GRIP1: variants seen among roughly 807,000 people sequenced by gnomAD.
The protein encoded by GRIP1 is glutamate receptor interacting protein 1, also known as glutamate receptor-interacting protein 1.
A neutral mutation model predicts 129.9 loss-of-function variants in GRIP1; 45 were observed. The observed-to-expected ratio is 0.35, with a 90% CI of 0.27 to 0.44. The LOEUF is 0.44. Ranked by LOEUF, GRIP1 falls within the 20% of genes least tolerant of loss-of-function variation. The pLI is 1.00. For synonymous variants in GRIP1, 530 were observed against 520.8 expected (o/e 1.02, Z -0.24); for missense variants, 1,196 against 1,396.8 (o/e 0.86, Z 2.29).
At chr12:67,065,930 A>G (rs1383496552) in intron 1 of GRIP1, among the ~76,000 whole-genome samples, 2 of 152,214 alleles carry the variant, frequency 1.3e-5, no homozygotes, top group Non-Finnish European at 2.9e-5. Flanking sequence ...CTTCTCCTAA[A>G]ACATTTACCC....
At position 66,371,999 on chromosome 12, in the gene GRIP1, C is replaced by T. The variant is rs1409727267; in HGVS notation, c.2779-72G>A. On this transcript the variant is annotated intron_variant, in intron 22 of 24. Transcript: ENST00000359742. ...AAAGGATTTGGTGCTCAACAGTAAG[C>T]ACATTTCTCCTTCTGCGAGGTAAAA... is the stretch of plus-strand genomic sequence containing the variant. The T allele has an allele frequency of 2.7e-5, 26 of 963,466 alleles. No individual in the cohort carries two copies. The East Asian group carries it at 6.0e-4, about 22-fold the overall frequency. 59.7% of individuals were successfully genotyped at this position (963,466 alleles called of 1,614,324 possible).
At chr12:66,411,218 C>T (rs2057389784) in intron 15 of GRIP1, among the ~76,000 whole-genome samples, 1 of 152,090 alleles carries the variant, frequency 6.6e-6, no homozygotes, top group African/African-American at 2.4e-5. Context: ...CAACAGGGGT[C>T]TCCAGGTCTC....
chr12:66,515,914 T>C, intron 6 of GRIP1, 150 bp from the exon 7 acceptor site: 1 of 698,944 alleles, frequency 1.4e-6, no homozygotes, highest in Non-Finnish European at 2.6e-6. Flanking sequence ...ACAGTAAGAG[T>C]ATAAAGAAGT....
chr12:66,956,839 T>C (rs927958228), intron 1 of GRIP1, among the ~76,000 whole-genome samples: 3 of 152,186 alleles, frequency 2.0e-5, no homozygotes, highest in Non-Finnish European at 2.9e-5. Flanking sequence ...AATATGTGCA[T>C]ATATATTAGC....
chr12:66,951,335 G>A (rs557088708), intron 1 of GRIP1, among the ~76,000 whole-genome samples: 18 of 152,300 alleles, frequency 1.2e-4, no homozygotes, highest in Middle Eastern at 3.4e-3. Flanking sequence ...GCGGAGTGAA[G>A]TATGGGCTGG....
At chr12:66,406,748 C>T (rs2137665030) in intron 15 of GRIP1, among the ~76,000 whole-genome samples, 1 of 152,238 alleles carries the variant, frequency 6.6e-6, no homozygotes, top group Non-Finnish European at 1.5e-5. Flanking sequence ...ACCCAGGTAT[C>T]CTTGTCTTTC....
At chr12:66,735,179 C>G (rs534163614) in intron 1 of GRIP1, among the ~76,000 whole-genome samples, 160 of 152,070 alleles carry the variant, frequency 1.1e-3, no homozygotes, top group Non-Finnish European at 1.6e-3. Flanking sequence ...TTTATAGGAG[C>G]GTGATTGTTC....
intron 1 of GRIP1, among the ~76,000 whole-genome samples, chr12:66,802,460 T>TTGTCCAAAC (rs1195533299): frequency 1.3e-5 from 2 of 152,212 alleles, no homozygotes; most frequent in Non-Finnish European, 2.9e-5. Context: ...CATTATATAA[T>TTGTCCAAAC]TGTCCTAACT....
chr12:66,973,378 CTTTT>C (rs55729292), intron 1 of GRIP1, among the ~76,000 whole-genome samples: 36,577 of 129,292 alleles, frequency 0.28, 4,912 homozygotes, highest in Non-Finnish European at 0.37. Context: ...CTTTTTCATT[CTTTT>C]TTTTTTTTTT....
chr12:66,766,310 G>A (rs1197854164), intron 1 of GRIP1, among the ~76,000 whole-genome samples: 1 of 152,146 alleles, frequency 6.6e-6, no homozygotes, highest in African/African-American at 2.4e-5. Context: ...GGGCTCCCCT[G>A]GCCTTGCTAT....
At chr12:67,044,320 A>G (rs2043222335) in intron 1 of GRIP1, among the ~76,000 whole-genome samples, 1 of 152,234 alleles carries the variant, frequency 6.6e-6, no homozygotes, top group Admixed American at 6.5e-5. Flanking sequence ...TCCCAACTTG[A>G]GAGAACTAGG....
intron 1 of GRIP1, among the ~76,000 whole-genome samples, chr12:66,868,619 G>A (rs947088484): frequency 6.6e-6 from 1 of 152,030 alleles, no homozygotes; most frequent in Non-Finnish European, 1.5e-5. Flanking sequence ...TTGGGGTGGA[G>A]GGAAGAGAAG....
At chr12:66,673,732 C>G (rs188038164) in intron 1 of GRIP1, among the ~76,000 whole-genome samples, 1 of 152,302 alleles carries the variant, frequency 6.6e-6, no homozygotes, top group Admixed American at 6.5e-5. Flanking sequence ...CCATCACAAT[C>G]TGGACCACGA....
chr12:66,460,754 G>GA lies in GRIP1; in HGVS notation c.1042+2169dup, dbSNP rs971085362. Among the ~76,000 whole-genome samples the GA allele has an allele frequency of 2.0e-5, 3 of 152,160 alleles. 1 individual carries two copies. Among genetic ancestry groups the GA allele is most frequent in the Non-Finnish European group, 4.4e-5 (3 of 68,010 alleles). ...ACACTGTTCAGGCATCAGAGATCTT[G>GA]AAAAAACAATCAGAACTTTCTTGTG... On this transcript the variant is annotated intron_variant, in intron 9 of 24. Transcript: ENST00000359742.
chr12:66,769,758 T>C (rs1459231271), intron 1 of GRIP1, among the ~76,000 whole-genome samples: 1 of 152,166 alleles, frequency 6.6e-6, no homozygotes, highest in African/African-American at 2.4e-5. Context: ...ATATTTGTAA[T>C]GTCTTTTTGG....
At position 66,347,440 on chromosome 12, in the gene GRIP1, T is replaced by G. The variant is rs1021674345; in HGVS notation, c.*1579A>C. 1.3e-5 allele frequency: 2 copies of G among 152,160 alleles called. No individual in the cohort carries two copies. Among genetic ancestry groups the G allele is most frequent in the South Asian group, 2.1e-4 (1 of 4,828 alleles). 9.4% of individuals were successfully genotyped at this position (152,160 alleles called of 1,614,324 possible). Reference sequence around the variant, plus strand: ...TTCAAAACAACACCAATAATGCATATCCTCTTTATTTGGCTTTTTAAAATC... The same window carrying G: ...TTCAAAACAACACCAATAATGCATAGCCTCTTTATTTGGCTTTTTAAAATC... On this transcript the variant is annotated 3_prime_UTR_variant, in exon 25 of 25. Coordinates refer to ENST00000359742, the MANE Select transcript of GRIP1 (RefSeq NM_001366722.1).
intron 1 of GRIP1, among the ~76,000 whole-genome samples, chr12:66,694,868 T>G (rs1181542387): frequency 1.3e-5 from 2 of 152,126 alleles, no homozygotes; most frequent in Non-Finnish European, 2.9e-5. Context: ...GATCAGGAAA[T>G]ACCCAGAGCC....
intron 1 of GRIP1, among the ~76,000 whole-genome samples, chr12:66,999,536 GAAGA>G (rs1417109526): frequency 2.0e-5 from 3 of 152,118 alleles, no homozygotes; most frequent in African/African-American, 7.2e-5. Flanking sequence ...ACCAAGTTAT[GAAGA>G]AATAAAGCAA....
At chr12:66,554,790 T>C (rs2062265154) in intron 2 of GRIP1, among the ~76,000 whole-genome samples, 1 of 152,040 alleles carries the variant, frequency 6.6e-6, no homozygotes, top group Non-Finnish European at 1.5e-5. Flanking sequence ...GTGGTGGCCA[T>C]GGGGAGAGGC....
Sources: allele counts gnomAD v4.1 joint callset (sites outside exome capture counted in the v4.1 genomes callset), GRCh38; gene constraint gnomAD v4.1.1; transcripts MANE v1.5; gene names NCBI Gene and HGNC (gene_info 2026-07-23, HGNC 2026-07-21).